Variants in ATP10B observed in about 807,000 individuals in gnomAD.
ATP10B encodes phospholipid-transporting ATPase VB.
ATP10B carries 122 observed loss-of-function variants against 141.2 expected under a neutral mutation model. That is an observed-to-expected ratio of 0.86 (90% CI 0.75 to 1.00). ATP10B has a LOEUF of 1.00. Among genes scored for constraint, ATP10B ranks in the 50% least tolerant of loss-of-function variants. ATP10B has a pLI of 0.00. For missense variants in ATP10B, 1,876 were observed against 1,825.3 expected (o/e 1.03, Z -0.51); for synonymous variants, 685 against 692.0 (o/e 0.99, Z 0.16).
the ATP10B span, among the ~76,000 whole-genome samples, chr5:160,925,361 C>A: frequency 6.6e-6 from 1 of 152,192 alleles, no homozygotes; most frequent in Non-Finnish European, 1.5e-5. Flanking sequence ...TCATACCTAT[C>A]GATTTGTATA....
intron 1 of ATP10B, among the ~76,000 whole-genome samples, chr5:160,789,751 A>G (rs1771433489): frequency 6.6e-6 from 1 of 152,180 alleles, no homozygotes; most frequent in African/African-American, 2.4e-5. Context: ...GGCAGAATAG[A>G]TAGTGGAGGT....
At chr5:160,748,377 C>G (rs1473834196) in intron 2 of ATP10B, among the ~76,000 whole-genome samples, 1 of 152,176 alleles carries the variant, frequency 6.6e-6, no homozygotes, top group East Asian at 1.9e-4. Context: ...TTAATCTATC[C>G]ACTTCCTGAT....
At chr5:160,782,765 T>C (rs1160023595) in intron 2 of ATP10B, among the ~76,000 whole-genome samples, 1 of 151,846 alleles carries the variant, frequency 6.6e-6, no homozygotes, top group African/African-American at 2.4e-5. Context: ...GGTGCAATAC[T>C]AATCAATGGC....
upstream of ATP10B, among the ~76,000 whole-genome samples, chr5:160,852,763 G>A (rs1753873178): frequency 6.6e-6 from 1 of 152,094 alleles, no homozygotes; most frequent in Non-Finnish European, 1.5e-5. Flanking sequence ...AGATTTTCAT[G>A]TATAATCCTT....
intron 2 of ATP10B, among the ~76,000 whole-genome samples, chr5:160,769,125 C>T (rs1469864125): frequency 6.6e-6 from 1 of 152,060 alleles, no homozygotes; most frequent in African/African-American, 2.4e-5. Context: ...GAGTTGGAGC[C>T]ATATAGGGGT....
chr5:160,920,803 C>T, the ATP10B span, among the ~76,000 whole-genome samples: 9 of 152,120 alleles, frequency 5.9e-5, no homozygotes, highest in Admixed American at 5.9e-4. Context: ...CTTGGTGGGA[C>T]TTGAGATTCT....
At position 160,577,398 on chromosome 5, in the gene ATP10B, GATAATA is replaced by G. The variant is rs144469572; in HGVS notation, c.3751-7721_3751-7716del. On this transcript the variant is annotated intron_variant, in intron 24 of 25. Coordinates refer to ENST00000327245, the MANE Select transcript of ATP10B (RefSeq NM_025153.3). ...TTTTACCTCATGACTCTATCTTATT[GATAATA>G]ATAATTAAAAAAACAGGTATCCCTT... Among the ~76,000 whole-genome samples, 20 of 152,134 alleles carry G rather than the reference GATAATA, an allele frequency of 1.3e-4. No individual in the cohort carries two copies. In the East Asian group the frequency reaches 3.7e-3, roughly 28 times the overall value.
rs1760099488 is a variant in ATP10B at position 160,644,189 on chromosome 5, C to G, written c.817G>C (p.Gly273Arg). ...ATCTCGGTGTTTCTGATGGTGCAGC[C>G]TCGAAGCAGAAGACTCTCACAGCCA... ...GFGCESLLLR[G>R]CTIRNTEMAV... The change falls in exon 9 of 26, where the codon GGC becomes CGC. Residue 273 changes from glycine (G) to arginine (R), a missense_variant. Transcript: ENST00000327245. 6.2e-7 allele frequency: 1 copy of G among 1,613,810 alleles called. No homozygotes were observed. The highest frequency in any genetic ancestry group is 8.5e-7 in the Non-Finnish European group (1 of 1,179,920).
intron 3 of ATP10B, chr5:160,692,778 C>T (rs1306208053): frequency 6.6e-6 from 1 of 152,196 alleles, no homozygotes; most frequent in Non-Finnish European, 1.5e-5. Flanking sequence ...ACACTTCTGC[C>T]TGTTCTAAAA....
the ATP10B span, among the ~76,000 whole-genome samples, chr5:160,917,432 G>C: frequency 1.3e-5 from 2 of 152,092 alleles, no homozygotes; most frequent in African/African-American, 4.8e-5. Context: ...AACAGGCTGG[G>C]AACAGGCAAC....
At chr5:160,785,288 T>C (rs899732473) in intron 2 of ATP10B, among the ~76,000 whole-genome samples, 2 of 152,110 alleles carry the variant, frequency 1.3e-5, no homozygotes, top group Non-Finnish European at 2.9e-5. Flanking sequence ...TTAAGTGATA[T>C]ATAATTTGAC....
the ATP10B span, among the ~76,000 whole-genome samples, chr5:160,861,445 A>C: frequency 6.6e-6 from 1 of 151,934 alleles, no homozygotes; most frequent in Non-Finnish European, 1.5e-5. Flanking sequence ...CTGAATACTG[A>C]TGTTGAAATG....
intron 1 of ATP10B, among the ~76,000 whole-genome samples, chr5:160,836,642 C>A (rs541411722): frequency 1.3e-5 from 2 of 152,114 alleles, no homozygotes; most frequent in Admixed American, 6.6e-5. Flanking sequence ...TTAGCTTTTA[C>A]CAACAAGGCA....
At chr5:160,721,908 T>G (rs1261243131) in intron 2 of ATP10B, among the ~76,000 whole-genome samples, 1 of 152,176 alleles carries the variant, frequency 6.6e-6, no homozygotes, top group East Asian at 1.9e-4. Context: ...TGCAAACAAC[T>G]GGATCCAGAC....
chr5:160,631,789 C>A (rs1758954659), intron 13 of ATP10B, among the ~76,000 whole-genome samples: 1 of 152,190 alleles, frequency 6.6e-6, no homozygotes, highest in African/African-American at 2.4e-5. Context: ...CTGAAGATGG[C>A]ATGCCCAGTC....
the ATP10B span, among the ~76,000 whole-genome samples, chr5:160,884,611 T>C: frequency 6.6e-6 from 1 of 152,166 alleles, no homozygotes; most frequent in Non-Finnish European, 1.5e-5. Context: ...CAGGCGTCAT[T>C]ATTTATTTAG....
intron 24 of ATP10B, among the ~76,000 whole-genome samples, chr5:160,580,469 TTTA>T (rs1755471867): frequency 5.5e-5 from 1 of 18,232 alleles, no homozygotes; most frequent in Non-Finnish European, 2.3e-4. Context: ...ACATTTATTG[TTTA>T]TGTATGTTGA....
At chr5:160,783,791 T>C (rs1770934968) in intron 2 of ATP10B, among the ~76,000 whole-genome samples, 1 of 152,010 alleles carries the variant, frequency 6.6e-6, no homozygotes, top group South Asian at 2.1e-4. Flanking sequence ...CTACTTTTAG[T>C]TCTTTAAGGA....
intron 2 of ATP10B, among the ~76,000 whole-genome samples, chr5:160,783,264 C>T (rs780157333): frequency 7.3e-5 from 11 of 151,508 alleles, no homozygotes; most frequent in East Asian, 1.9e-4. Flanking sequence ...TGAGAACATA[C>T]GACGTTTGGT....
Sources: allele counts gnomAD v4.1 joint callset (sites outside exome capture counted in the v4.1 genomes callset), GRCh38; gene constraint gnomAD v4.1.1; transcripts MANE v1.5; gene names NCBI Gene and HGNC (gene_info 2026-07-23, HGNC 2026-07-21).